The following PHACTR3 variants were observed in gnomAD, a reference collection of about 807,000 sequenced individuals.
PHACTR3 encodes protein phosphatase 1, regulatory subunit 123.
Under a neutral mutation model 66.8 loss-of-function variants are expected in PHACTR3, and 16 were observed. The observed-to-expected ratio is 0.24, with a 90% CI of 0.16 to 0.36. The LOEUF is 0.36. PHACTR3 is among the 10% of genes least tolerant of loss of function. The pLI is 1.00. For synonymous variants in PHACTR3, 323 were observed against 292.1 expected, an observed-to-expected ratio of 1.11 and a Z score of -1.08; for missense variants, 647 against 719.9, an observed-to-expected ratio of 0.90 and a Z score of 1.16.
At chr20:59,809,886 C>G (rs1293541493) in intron 8 of PHACTR3, among the ~76,000 whole-genome samples, 1 of 152,154 alleles carries the variant, frequency 6.6e-6, no homozygotes, top group East Asian at 1.9e-4. Context: ...GTCCAGCTGG[C>G]ACTTTGCTGA....
rs1441419198 is a variant in PHACTR3 at position 59,708,005 on chromosome 20, C to T, written c.119-35102C>T. ...CATATTTTAAATTTTCCTAACAGTT[C>T]CAGAAAAAGTCCTGGAATGGATTCT... is the stretch of plus-strand genomic sequence containing the variant. On this transcript the variant is annotated intron_variant, in intron 1 of 12. Coordinates refer to ENST00000371015, the MANE Select transcript of PHACTR3 (RefSeq NM_080672.5). Among the ~76,000 whole-genome samples the T allele has an allele frequency of 2.0e-5, 3 of 152,198 alleles. No individual in the cohort carries two copies. The East Asian group carries it at 5.8e-4, about 29-fold the overall frequency.
At chr20:59,624,574 C>T (rs779405020) in intron 1 of PHACTR3, among the ~76,000 whole-genome samples, 3 of 152,134 alleles carry the variant, frequency 2.0e-5, no homozygotes, top group African/African-American at 4.8e-5. Context: ...GTGTAGCCTG[C>T]AGGAGACACC....
intron 1 of PHACTR3, among the ~76,000 whole-genome samples, chr20:59,725,904 G>A (rs185500251): frequency 2.6e-5 from 4 of 152,194 alleles, no homozygotes; most frequent in Admixed American, 6.5e-5. Flanking sequence ...GAGCTGGGAG[G>A]CTCCACAGCC....
At chr20:59,779,077 C>G (rs752730571) in intron 7 of PHACTR3, among the ~76,000 whole-genome samples, 4 of 152,182 alleles carry the variant, frequency 2.6e-5, no homozygotes, top group Non-Finnish European at 4.4e-5. Flanking sequence ...CTGTCTGACC[C>G]TGAGAAACTC....
At chr20:59,768,232 CAG>C (rs1223572445) in intron 5 of PHACTR3, among the ~76,000 whole-genome samples, 1 of 152,168 alleles carries the variant, frequency 6.6e-6, no homozygotes, top group Non-Finnish European at 1.5e-5. Flanking sequence ...TTGATGGTCT[CAG>C]GGAAAAAGTA....
chr20:59,781,246 G>A (rs902612521), intron 7 of PHACTR3, among the ~76,000 whole-genome samples: 50 of 152,346 alleles, frequency 3.3e-4, no homozygotes, highest in African/African-American at 1.2e-3. Flanking sequence ...AGGGCAAGGG[G>A]AATTAATCAC....
At chr20:59,809,191 C>T (rs746967586) in intron 8 of PHACTR3, among the ~76,000 whole-genome samples, 2 of 152,112 alleles carry the variant, frequency 1.3e-5, no homozygotes, top group Non-Finnish European at 2.9e-5. Context: ...CGGTGGAGGG[C>T]CGTGAACGTA....
chr20:59,833,060 G>A (rs1359158237), intron 8 of PHACTR3, among the ~76,000 whole-genome samples: 1 of 152,012 alleles, frequency 6.6e-6, no homozygotes, highest in Admixed American at 6.5e-5. Context: ...CACCCTTCCA[G>A]GTGTGGGGTC....
chr20:59,658,689 C>T (rs1290536483), intron 1 of PHACTR3, among the ~76,000 whole-genome samples: 1 of 152,174 alleles, frequency 6.6e-6, no homozygotes, highest in African/African-American at 2.4e-5. Context: ...TCATACCAAG[C>T]TATTAGGCTC....
chr20:59,739,906 A>G (rs2039088965), intron 1 of PHACTR3, among the ~76,000 whole-genome samples: 1 of 152,056 alleles, frequency 6.6e-6, no homozygotes, highest in South Asian at 2.1e-4. Flanking sequence ...CAGGGTGCTC[A>G]AGGTCCTGCC....
At chr20:59,652,718 A>G (rs1203166959) in intron 1 of PHACTR3, among the ~76,000 whole-genome samples, 1 of 151,826 alleles carries the variant, frequency 6.6e-6, no homozygotes, top group Admixed American at 6.6e-5. Context: ...TTTCATCGAG[A>G]TTAGCATTTT....
intron 10 of PHACTR3, among the ~76,000 whole-genome samples, chr20:59,841,184 A>ATCACAATCCCCCTTCCTCCAAC (rs1259763467): frequency 2.6e-5 from 4 of 152,158 alleles, no homozygotes; most frequent in African/African-American, 7.2e-5. Context: ...CTTCTGATAA[A>ATCACAATCCCCCTTCCTCCAAC]ATATGTTGGA....
intron 1 of PHACTR3, among the ~76,000 whole-genome samples, chr20:59,648,986 C>T (rs1288772560): frequency 6.6e-6 from 1 of 152,160 alleles, no homozygotes; most frequent in Non-Finnish European, 1.5e-5. Flanking sequence ...GGAATATAGG[C>T]ATCGAAGCAT....
intron 7 of PHACTR3, among the ~76,000 whole-genome samples, chr20:59,788,153 C>T (rs555530979): frequency 7.2e-5 from 11 of 152,140 alleles, no homozygotes; most frequent in Non-Finnish European, 1.2e-4. Flanking sequence ...CATTCTTATG[C>T]CTTTGCATTC....
intron 7 of PHACTR3, among the ~76,000 whole-genome samples, chr20:59,775,912 A>G (rs1255572720): frequency 6.6e-6 from 1 of 152,146 alleles, no homozygotes; most frequent in Non-Finnish European, 1.5e-5. Flanking sequence ...GCTGTCCTGG[A>G]CACATTAGGA....
At chr20:59,709,412 C>T (rs950577313) in intron 1 of PHACTR3, among the ~76,000 whole-genome samples, 1 of 152,156 alleles carries the variant, frequency 6.6e-6, no homozygotes, top group African/African-American at 2.4e-5. Context: ...AATTCTAAAC[C>T]ACCCTTTGCC....
At chr20:59,703,369 A>C (rs1359305600) in intron 1 of PHACTR3, among the ~76,000 whole-genome samples, 1 of 152,322 alleles carries the variant, frequency 6.6e-6, no homozygotes, top group East Asian at 1.9e-4. Flanking sequence ...TCGTTGTCTC[A>C]TATTCTTTCT....
At chr20:59,723,684 G>A (rs913749908) in intron 1 of PHACTR3, among the ~76,000 whole-genome samples, 4 of 152,142 alleles carry the variant, frequency 2.6e-5, no homozygotes, top group Middle Eastern at 3.4e-3. Flanking sequence ...TCATCGTACG[G>A]TGACTCGGTC....
At chr20:59,758,566 G>A (rs1669097731) in intron 4 of PHACTR3, among the ~76,000 whole-genome samples, 1 of 152,190 alleles carries the variant, frequency 6.6e-6, no homozygotes, top group Non-Finnish European at 1.5e-5. Flanking sequence ...GGGATAACAA[G>A]AGGTGACACA....
Sources: allele counts gnomAD v4.1 joint callset (sites outside exome capture counted in the v4.1 genomes callset), GRCh38; gene constraint gnomAD v4.1.1; transcripts MANE v1.5; gene names NCBI Gene and HGNC (gene_info 2026-07-23, HGNC 2026-07-21).